NKAIN2: variants seen among roughly 807,000 people sequenced by gnomAD.
The protein encoded by NKAIN2 is sodium/potassium-transporting ATPase subunit beta-1-interacting protein 2.
A neutral mutation model predicts 32.6 loss-of-function variants in NKAIN2; 14 were observed. The observed-to-expected ratio is 0.43, with a 90% CI of 0.28 to 0.67. The LOEUF (loss-of-function observed/expected upper bound fraction) is 0.67. NKAIN2 is among the 30% of genes least tolerant of loss of function. NKAIN2 has a pLI of 0.17. For synonymous variants in NKAIN2, 80 were observed against 87.2 expected (o/e 0.92, Z 0.46); for missense variants, 198 against 258.3 (o/e 0.77, Z 1.60).
rs370110211 is a variant in NKAIN2 at position 124,286,803 on chromosome 6, T to C, written c.192+3661T>C. Among the ~76,000 whole-genome samples, 10 of 152,042 alleles carry C rather than the reference T, an allele frequency of 6.6e-5. No individual in the cohort carries two copies. The East Asian group carries it at 9.7e-4, about 15-fold the overall frequency. On this transcript the variant is annotated intron_variant, in intron 2 of 6. Transcript: ENST00000368417. ...TTCAAGCAATTCTCCTGCCTCAGCC[T>C]CCCAAGTAGCTGGGACTACAGGCGT...
intron 1 of NKAIN2, among the ~76,000 whole-genome samples, chr6:124,257,537 A>G (rs1794007296): frequency 6.6e-6 from 1 of 152,110 alleles, no homozygotes. Flanking sequence ...TAAAAACTCA[A>G]TTTTTCTGAA....
chr6:124,509,298 A>C (rs905053047), intron 3 of NKAIN2, among the ~76,000 whole-genome samples: 8 of 152,214 alleles, frequency 5.3e-5, no homozygotes, highest in African/African-American at 1.9e-4. Flanking sequence ...TGGATGAAGG[A>C]AAGAATTCAT....
At chr6:124,236,294 G>A (rs149646062) in intron 1 of NKAIN2, among the ~76,000 whole-genome samples, 446 of 152,144 alleles carry the variant, frequency 2.9e-3, no homozygotes, top group Admixed American at 4.8e-3. Flanking sequence ...TAATCAAAAG[G>A]AGTGTACAAT....
intron 4 of NKAIN2, among the ~76,000 whole-genome samples, chr6:124,781,652 G>C (rs1259136173): frequency 2.0e-5 from 3 of 152,090 alleles, no homozygotes; most frequent in African/African-American, 7.2e-5. Flanking sequence ...ATGACATTCT[G>C]TTTCACCCTT....
intron 2 of NKAIN2, among the ~76,000 whole-genome samples, chr6:124,294,543 T>C (rs1365125350): frequency 1.3e-5 from 2 of 152,200 alleles, no homozygotes; most frequent in Non-Finnish European, 2.9e-5. Flanking sequence ...AAGTCTTTGG[T>C]AGCTGTAATT....
intron 3 of NKAIN2, among the ~76,000 whole-genome samples, chr6:124,573,231 G>T (rs1781197739): frequency 6.6e-6 from 1 of 152,174 alleles, no homozygotes; most frequent in Admixed American, 6.5e-5. Flanking sequence ...CAGTACATTT[G>T]CATGTGCTTT....
At chr6:123,831,649 G>GTTTTTTT (rs200958969) in intron 1 of NKAIN2, among the ~76,000 whole-genome samples, 1 of 140,266 alleles carries the variant, frequency 7.1e-6, no homozygotes. Context: ...CTTTGTTACA[G>GTTTTTTT]TTTTTTTTTT....
At chr6:124,230,765 A>G (rs1430886130) in intron 1 of NKAIN2, among the ~76,000 whole-genome samples, 1 of 152,338 alleles carries the variant, frequency 6.6e-6, no homozygotes, top group East Asian at 1.9e-4. Context: ...TAGATGGCAG[A>G]TGATGTTTGG....
chr6:124,028,883 A>ATG (rs1161400384), intron 1 of NKAIN2, among the ~76,000 whole-genome samples: 1 of 26,944 alleles, frequency 3.7e-5, no homozygotes, highest in Non-Finnish European at 7.8e-5. Flanking sequence ...ATGTATATAT[A>ATG]TGTGTATATA....
At chr6:124,127,842 T>C (rs115154476) in intron 1 of NKAIN2, among the ~76,000 whole-genome samples, 4,702 of 152,132 alleles carry the variant, frequency 0.031, 86 homozygotes, top group African/African-American at 0.043. Context: ...CCCGTTTTTT[T>C]TTTAGATGGA....
chr6:124,687,305 G>C (rs1351764653), intron 4 of NKAIN2, among the ~76,000 whole-genome samples: 2 of 136,780 alleles, frequency 1.5e-5, no homozygotes, highest in African/African-American at 5.3e-5. Context: ...TCTATATATA[G>C]AGAATATATA....
chr6:124,478,863 A>G (rs1329518774), intron 3 of NKAIN2, among the ~76,000 whole-genome samples: 1 of 152,182 alleles, frequency 6.6e-6, no homozygotes, highest in Non-Finnish European at 1.5e-5. Flanking sequence ...GTGAGGGTGA[A>G]AGAGTAATTT....
intron 1 of NKAIN2, among the ~76,000 whole-genome samples, chr6:124,100,056 C>A (rs1045681886): frequency 6.6e-6 from 1 of 152,122 alleles, no homozygotes; most frequent in Non-Finnish European, 1.5e-5. Flanking sequence ...AAATCCTGTG[C>A]AAGTTAAGGA....
chr6:123,806,398 A>G (rs1321272721), intron 1 of NKAIN2, among the ~76,000 whole-genome samples: 5 of 152,082 alleles, frequency 3.3e-5, no homozygotes, highest in African/African-American at 1.2e-4. Context: ...AAGAAAATGC[A>G]ATTGTTTTGA....
chr6:124,426,475 A>G (rs1562177185), intron 3 of NKAIN2, among the ~76,000 whole-genome samples: 1 of 152,208 alleles, frequency 6.6e-6, no homozygotes, highest in African/African-American at 2.4e-5. Flanking sequence ...AGAACCCTCA[A>G]AAGTTAAGAA....
At chr6:124,448,526 G>A (rs932744741) in intron 3 of NKAIN2, among the ~76,000 whole-genome samples, 20 of 152,244 alleles carry the variant, frequency 1.3e-4, no homozygotes, top group African/African-American at 4.3e-4. Flanking sequence ...CTAACAGAGA[G>A]ACACTGCTGT....
At chr6:124,272,498 A>T (rs1031624593) in intron 1 of NKAIN2, among the ~76,000 whole-genome samples, 3 of 152,228 alleles carry the variant, frequency 2.0e-5, no homozygotes, top group Admixed American at 2.0e-4. Flanking sequence ...CAGAGAATGT[A>T]TGGAAATGCC....
At chr6:124,264,193 TA>T (rs1160766162) in intron 1 of NKAIN2, among the ~76,000 whole-genome samples, 2 of 152,208 alleles carry the variant, frequency 1.3e-5, no homozygotes, top group African/African-American at 2.4e-5. Context: ...AGAAGTGCAT[TA>T]AAAATTATTC....
At chr6:124,640,097 T>C (rs1281338046) in intron 3 of NKAIN2, among the ~76,000 whole-genome samples, 1 of 152,078 alleles carries the variant, frequency 6.6e-6, no homozygotes, top group Non-Finnish European at 1.5e-5. Context: ...AATTACTACG[T>C]GTCAACCGAA....
Sources: allele counts gnomAD v4.1 joint callset (sites outside exome capture counted in the v4.1 genomes callset), GRCh38; gene constraint gnomAD v4.1.1; transcripts MANE v1.5; gene names NCBI Gene and HGNC (gene_info 2026-07-23, HGNC 2026-07-21).